Variants in SLC43A2 observed in about 807,000 individuals in gnomAD.
SLC43A2 encodes the protein large neutral amino acids transporter small subunit 4.
In SLC43A2, 38 loss-of-function variants were observed where a neutral mutation model predicts 63.2. The observed-to-expected ratio is 0.60, with a 90% CI of 0.46 to 0.79. The LOEUF is 0.79. Among genes scored for constraint, SLC43A2 ranks in the 30% least tolerant of loss-of-function variants. The pLI is 0.00. For missense variants in SLC43A2, 644 were observed against 756.2 expected (o/e 0.85, Z 1.74); for synonymous variants, 322 against 331.0 (o/e 0.97, Z 0.30).
rs1598461518 is a variant in SLC43A2 at position 1,597,166 on chromosome 17, T to G, written c.502-3887A>C. On this transcript the variant is annotated intron_variant, in intron 5 of 13. Transcript: ENST00000301335. ...AGGCGGGGGTTGCAGTGAGCCGAGA[T>G]CGTGCCACTGCACTCCAGCCTGCGC... is the stretch of plus-strand genomic sequence containing the variant. Among the ~76,000 whole-genome samples, 3 of 147,566 alleles carry G rather than the reference T, an allele frequency of 2.0e-5. No homozygotes were observed. The East Asian group carries it at 6.1e-4, about 30-fold the overall frequency.
chr17:1,615,163 A>G (rs1004483994), intron 3 of SLC43A2, 129 bp from the exon 4 acceptor site: 9 of 1,075,788 alleles, frequency 8.4e-6, no homozygotes, highest in Non-Finnish European at 9.6e-6. Flanking sequence ...GCTGGAGTGC[A>G]GTGGCGCGAT....
chr17:1,586,928 T>TGGGGCCCCCCCCCCCCCCCCCCCC, intron 9 of SLC43A2: 1 of 1,232,904 alleles, frequency 8.1e-7, no homozygotes, highest in Non-Finnish European at 1.1e-6. Context: ...TCCCTGACAA[T>TGGGGCCCCCCCCCCCCCCCCCCCC]CCCCCCCACC....
At chr17:1,626,141 G>A (rs534024356) in intron 2 of SLC43A2, among the ~76,000 whole-genome samples, 1 of 147,532 alleles carries the variant, frequency 6.8e-6, no homozygotes, top group South Asian at 2.1e-4. Context: ...GACACTAAAA[G>A]CTTTCTCTGG....
In SLC43A2 at chr17:1,583,045, C is replaced by G. The variant is rs1166289172; in HGVS notation, c.1350+159G>C. ...AGTGAGCCGAGATCACACCACTGCACTCCAGCCTGAGCAACAGAGTTTGAC... is the reference window on the plus strand; with the variant it reads ...AGTGAGCCGAGATCACACCACTGCAGTCCAGCCTGAGCAACAGAGTTTGAC... On this transcript the variant is annotated intron_variant, in intron 11 of 13. Coordinates refer to ENST00000301335, the MANE Select transcript of SLC43A2 (RefSeq NM_152346.3). This position sits in a 1 kb window ranked among gnomAD's most constrained non-coding sequence, Gnocchi z 5.5. Among the ~76,000 whole-genome samples, 2 of 152,220 alleles carry G rather than the reference C, an allele frequency of 1.3e-5. No individual in the cohort carries two copies. Among genetic ancestry groups the G allele is most frequent in the Non-Finnish European group, 2.9e-5 (2 of 68,032 alleles).
intron 5 of SLC43A2, among the ~76,000 whole-genome samples, chr17:1,599,843 G>T (rs1372972341): frequency 6.6e-6 from 1 of 150,744 alleles, no homozygotes; most frequent in Admixed American, 6.7e-5. Context: ...AGGAGATCGA[G>T]ACCATCCTCG....
In SLC43A2 at chr17:1,575,683, C is replaced by T. The variant is rs541726546; in HGVS notation, c.1631G>A (p.Arg544Gln). Residue 544 changes from arginine (R) to glutamine (Q), a missense_variant, in exon 14 of 14, where the codon CGG (arginine) becomes CAG (glutamine). Arg to Gln is a conservative substitution (Grantham distance 43). Coordinates refer to ENST00000301335, the MANE Select transcript of SLC43A2 (RefSeq NM_152346.3). ...YLICYRRQLE[R>Q]QLQQRQEDDK... ...ATCCTCCTGCCTCTGCTGCAGCTGC[C>T]GCTCCAGCTGGCGCCGGTAGCAGAT... 1.7e-5 allele frequency: 27 copies of T among 1,614,088 alleles called. No individual in the cohort carries two copies. Among genetic ancestry groups the T allele is most frequent in the Non-Finnish European group, 2.0e-5 (24 of 1,179,990 alleles).
At chr17:1,586,928 T>TGGCCCCCCCCCCCCCCCAACC in intron 9 of SLC43A2, 4 of 1,232,912 alleles carry the variant, frequency 3.2e-6, no homozygotes, top group Non-Finnish European at 4.5e-6. Context: ...TCCCTGACAA[T>TGGCCCCCCCCCCCCCCCAACC]CCCCCCCACC....
intron 6 of SLC43A2, 92 bp from the exon 7 acceptor site, chr17:1,591,791 C>A: frequency 2.0e-6 from 2 of 978,912 alleles, no homozygotes; most frequent in Admixed American, 4.7e-5. Context: ...CGTCTGGCCA[C>A]CCCTGCTGTC....
intron 5 of SLC43A2, among the ~76,000 whole-genome samples, chr17:1,610,400 C>A (rs1906988102): frequency 6.9e-6 from 1 of 145,362 alleles, no homozygotes; most frequent in Admixed American, 6.9e-5. Context: ...GGAGCTGGGA[C>A]TACAAGCAAC....
rs1258892412 is a variant in SLC43A2, at chr17:1,570,879, T to C, written c.*4725A>G. On this transcript the variant is annotated 3_prime_UTR_variant, in exon 14 of 14. Coordinates refer to ENST00000301335, the MANE Select transcript of SLC43A2 (RefSeq NM_152346.3). ...ACCACGCAGGCATTCTTTCCTCCCT[T>C]TTGCAGATGATGGCACCAAAGTTCA... The C allele has an allele frequency of 6.6e-6, 1 of 152,288 alleles. No individual in the cohort carries two copies. 9.4% of individuals were successfully genotyped at this position (152,288 alleles called of 1,614,324 possible). A position where few individuals can be genotyped will look rare whatever the true frequency, so the allele number is the denominator to read the frequency against.
Position 1,573,795 on chromosome 17 carries a change from T to G in SLC43A2, c.*1809A>C, listed in dbSNP as rs924993475. 2 of 152,142 alleles carry G rather than the reference T, an allele frequency of 1.3e-5. No individual in the cohort carries two copies. The highest frequency in any genetic ancestry group is 1.3e-4 in the Admixed American group (2 of 15,280). The allele number at this position is 152,142 out of a possible 1,614,324, so 9.4% of individuals were successfully genotyped here. On this transcript the variant is annotated 3_prime_UTR_variant, in exon 14 of 14. Transcript: ENST00000301335. ...CCACCACGCCCGATTAATGTTTATT[T>G]TTAGTACAGACGGGGTTTCTCCATG...
intron 3 of SLC43A2, chr17:1,616,254 G>T: frequency 2.8e-6 from 1 of 359,706 alleles, no homozygotes; most frequent in Non-Finnish European, 5.0e-6. Flanking sequence ...TCACACATGC[G>T]AGGGAAACCC....
chr17:1,587,613 C>T (rs1904335311), intron 9 of SLC43A2, among the ~76,000 whole-genome samples: 1 of 152,188 alleles, frequency 6.6e-6, no homozygotes, highest in Non-Finnish European at 1.5e-5. Flanking sequence ...TTGGCTGCTC[C>T]AGTGTCTTAA....
At chr17:1,629,122 C>A (rs1301685752), upstream of SLC43A2, among the ~76,000 whole-genome samples, 1 of 152,176 alleles carries the variant, frequency 6.6e-6, no homozygotes. Flanking sequence ...GCCTCTCCAG[C>A]GGCCTGACCC....
At chr17:1,581,147 G>A (rs1335964490) in intron 11 of SLC43A2, among the ~76,000 whole-genome samples, 1 of 151,942 alleles carries the variant, frequency 6.6e-6, no homozygotes, top group Non-Finnish European at 1.5e-5. Context: ...GAATGTGGGT[G>A]GTGGGGGGGC....
At chr17:1,615,644 C>T (rs940427093) in intron 3 of SLC43A2, among the ~76,000 whole-genome samples, 16 of 149,798 alleles carry the variant, frequency 1.1e-4, no homozygotes, top group Admixed American at 8.7e-4. Flanking sequence ...GAGATCGAGA[C>T]CATCCTGGCT....
Position 1,593,357 on chromosome 17 carries a change from GC to G in SLC43A2, c.502-79del. The G allele has an allele frequency of 8.0e-7, 1 of 1,252,648 alleles. No homozygotes were observed. 77.6% of individuals were successfully genotyped at this position (1,252,648 alleles called of 1,614,324 possible). On this transcript the variant is annotated intron_variant, in intron 5 of 13. Transcript: ENST00000301335. The surrounding 1 kb of genome is among the most constrained non-coding windows in gnomAD (Gnocchi z 5.3). The stretch of plus-strand genomic sequence containing the variant: ...GGAGGAGGAGGGGACAGAGAACTAG[GC>G]CCCATGAGGCCCCTTCTTCACCTGC...
chr17:1,606,528 T>G lies in SLC43A2; in HGVS notation c.501+6667A>C, dbSNP rs909347844. Among the ~76,000 whole-genome samples, 2 of 151,260 alleles carry G rather than the reference T, an allele frequency of 1.3e-5. No homozygotes were observed. The highest frequency in any genetic ancestry group is 4.9e-5 in the African/African-American group (2 of 41,102). On this transcript the variant is annotated intron_variant, in intron 5 of 13. Coordinates refer to ENST00000301335, the MANE Select transcript of SLC43A2 (RefSeq NM_152346.3). This position sits in a 1 kb window ranked among gnomAD's most constrained non-coding sequence, Gnocchi z 4.7. ...GGGGACAGGGGTCAGAGTAATGGAG[T>G]GGAAATGGCAGGTTCACAATTTTGG...
chr17:1,627,622 G>T, intron 2 of SLC43A2, 93 bp downstream of exon 2: 1 of 985,692 alleles, frequency 1.0e-6, no homozygotes, highest in Non-Finnish European at 1.4e-6. Flanking sequence ...TGGGCAATGC[G>T]GTGCTGTGGC....
Sources: gnomAD v4.1 joint callset for allele counts (sites outside exome capture counted in the v4.1 genomes callset) on GRCh38, gnomAD v4.1.1 for gene constraint, Gnocchi (gnomAD v3.1) non-coding constraint, MANE v1.5 for transcripts, NCBI Gene and HGNC (gene_info 2026-07-23, HGNC 2026-07-21) for gene names.